AANAT: variants seen among roughly 807,000 people sequenced by gnomAD.
AANAT encodes the protein serotonin N-acetyltransferase.
Under a neutral mutation model 15.6 loss-of-function variants are expected in AANAT, and 11 were observed. The ratio of observed to expected loss-of-function variants is 0.71; its 90% confidence interval spans 0.44 to 1.17. The LOEUF is 1.17. Ranked by LOEUF, AANAT falls within the 50% of genes most tolerant of loss-of-function variation. AANAT has a pLI of 0.00. For missense variants in AANAT, 286 were observed against 296.3 expected, an observed-to-expected ratio of 0.97 and a Z score of 0.26; for synonymous variants, 139 against 131.5, an observed-to-expected ratio of 1.06 and a Z score of -0.39.
chr17:76,454,375 C>T (rs1352690693), intron 1 of AANAT, among the ~76,000 whole-genome samples: 4 of 151,020 alleles, frequency 2.6e-5, no homozygotes, highest in Non-Finnish European at 5.9e-5. Context: ...GTCCCAGCTA[C>T]TCAGGAGGCT....
At position 76,468,985 on chromosome 17, in the gene AANAT, T is replaced by C; in HGVS notation, c.163+76T>C. 4 of 1,531,600 alleles carry C rather than the reference T, an allele frequency of 2.6e-6. No homozygotes were observed. In the East Asian group the frequency reaches 6.8e-5, roughly 26 times the overall value. 94.9% of individuals were successfully genotyped at this position (1,531,600 alleles called of 1,614,324 possible). Reference sequence around the variant, plus strand: ...TCCTGTGGGGAGGAGACCCTTAGTCTCCTGTCCTTGGAGGCTGGGTCCCAG... The same window carrying C: ...TCCTGTGGGGAGGAGACCCTTAGTCCCCTGTCCTTGGAGGCTGGGTCCCAG... On this transcript the variant is annotated intron_variant, in intron 2 of 3. Transcript: ENST00000392492.
At chr17:76,459,914 C>T (rs78207495) in intron 2 of AANAT, among the ~76,000 whole-genome samples, 6,654 of 152,272 alleles carry the variant, frequency 0.044, 205 homozygotes, top group East Asian at 0.08. Flanking sequence ...GGCCCCAGGC[C>T]GTCTAATCTG....
intron 2 of AANAT, among the ~76,000 whole-genome samples, chr17:76,461,539 A>G (rs1181819419): frequency 1.4e-5 from 2 of 138,448 alleles, no homozygotes; most frequent in African/African-American, 2.7e-5. Flanking sequence ...GAACCTGGGA[A>G]GTGGAGGTTG....
chr17:76,457,908 C>T (rs55850050), intron 1 of AANAT, among the ~76,000 whole-genome samples: 21,665 of 152,142 alleles, frequency 0.14, 1,985 homozygotes, highest in East Asian at 0.4. Context: ...TGGTGGCGGG[C>T]GCCTGAAATC....
intron 1 of AANAT, among the ~76,000 whole-genome samples, chr17:76,458,228 A>G (rs941645209): frequency 3.3e-5 from 5 of 151,982 alleles, no homozygotes; most frequent in African/African-American, 1.2e-4. Flanking sequence ...TGCTTTAGAG[A>G]ATGAGACTCA....
exon 1 of AANAT, chr17:76,453,431 A>C (rs967930776): frequency 8.0e-6 from 2 of 251,072 alleles, no homozygotes; most frequent in African/African-American, 2.3e-5. Flanking sequence ...GGGAGGAGGA[A>C]GTGGAGTGGC....
At chr17:76,455,646 T>G (rs1184489187) in intron 1 of AANAT, among the ~76,000 whole-genome samples, 1 of 152,108 alleles carries the variant, frequency 6.6e-6, no homozygotes, top group Non-Finnish European at 1.5e-5. Context: ...ATTACAGTAT[T>G]TAGGTTCTTC....
chr17:76,470,032 C>T lies in AANAT; in HGVS notation c.*62C>T. The T allele has an allele frequency of 7.1e-7, 1 of 1,409,396 alleles. No individual in the cohort carries two copies. The highest frequency in any genetic ancestry group is 3.0e-5 in the Admixed American group (1 of 33,730). 87.3% of individuals were successfully genotyped at this position (1,409,396 alleles called of 1,614,324 possible). On this transcript the variant is annotated 3_prime_UTR_variant, in exon 4 of 4. Transcript: ENST00000392492. ...TCTCTGCCCTGGGCTCCTCTTAGCT[C>T]AGCTGAGCATGGAGACAGCAGTTTC...
chr17:76,464,341 T>TAA (rs553446724), upstream of AANAT, among the ~76,000 whole-genome samples: 63 of 133,534 alleles, frequency 4.7e-4, no homozygotes, highest in East Asian at 6.5e-4. Context: ...GACTCTGTCT[T>TAA]AAAAAAAAAA....
chr17:76,465,619 G>C (rs1201668567), upstream of AANAT, among the ~76,000 whole-genome samples: 1 of 151,956 alleles, frequency 6.6e-6, no homozygotes, highest in African/African-American at 2.4e-5. Context: ...TTACAGGTGT[G>C]AGCCACTATG....
chr17:76,455,416 A>T (rs1341533064), intron 1 of AANAT, among the ~76,000 whole-genome samples: 1 of 152,216 alleles, frequency 6.6e-6, no homozygotes, highest in Non-Finnish European at 1.5e-5. Context: ...ACACCACTGC[A>T]CTCCAGCTTG....
intron 1 of AANAT, among the ~76,000 whole-genome samples, chr17:76,455,188 G>C (rs28615986): frequency 0.064 from 9,703 of 152,028 alleles, 382 homozygotes; most frequent in South Asian, 0.13. Context: ...CACTTTGACT[G>C]CGCCTGAAAT....
intron 1 of AANAT, among the ~76,000 whole-genome samples, chr17:76,457,478 A>T (rs1478554710): frequency 6.6e-6 from 1 of 152,138 alleles, no homozygotes; most frequent in Non-Finnish European, 1.5e-5. Flanking sequence ...CTCCTGGAAG[A>T]CGTGTTGTGT....
At chr17:76,466,062 C>T (rs1329663497), upstream of AANAT, 4 of 939,394 alleles carry the variant, frequency 4.3e-6, no homozygotes, top group Non-Finnish European at 4.9e-6. Flanking sequence ...AGGGTGTTGT[C>T]CGGAAAGAAC....
chr17:76,469,207 C>A lies in AANAT; in HGVS notation c.198C>A (p.Tyr66Ter), dbSNP rs2073481719. The A allele has an allele frequency of 6.2e-7, 1 of 1,614,178 alleles. No homozygotes were observed. The highest frequency in any genetic ancestry group is 8.5e-7 in the Non-Finnish European group (1 of 1,180,032). The change falls in exon 3 of 4, where the codon TAC becomes TAA. Residue 66 changes from tyrosine to a stop codon, truncating the protein, a stop_gained. Transcript: ENST00000392492. LOFTEE classifies it high-confidence loss of function. The surrounding 1 kb of genome is among the most constrained non-coding windows in gnomAD (Gnocchi z 5.2). ...FISVLGVCPL[Y>*]LDEIRHFLTL... is the part of the protein sequence containing the mutation. ...CCGTCTTGGGCGTCTGCCCCCTGTA[C>A]CTGGATGAGATCCGGCACTTCCTGA...
intron 1 of AANAT, among the ~76,000 whole-genome samples, chr17:76,455,081 C>T (rs528911521): frequency 4.4e-4 from 67 of 152,154 alleles, no homozygotes; most frequent in Middle Eastern, 3.4e-3. Flanking sequence ...GAGCCTAGAT[C>T]GCGCCGCTGC....
chr17:76,465,633 A>T (rs138415131), upstream of AANAT, among the ~76,000 whole-genome samples: 692 of 151,326 alleles, frequency 4.6e-3, 4 homozygotes, highest in Non-Finnish European at 7.3e-3. Flanking sequence ...CACTATGCCC[A>T]GCCCCAGGGA....
upstream of AANAT, among the ~76,000 whole-genome samples, chr17:76,463,309 C>CTTTTTTT (rs60885549): frequency 4.1e-3 from 454 of 111,930 alleles, 38 homozygotes; most frequent in Admixed American, 5.7e-3. Context: ...GGAAGGATTC[C>CTTTTTTT]TTTTTTTTTT....
intron 2 of AANAT, among the ~76,000 whole-genome samples, chr17:76,461,605 CAAAAAAAAAAAAA>C (rs10578887): frequency 3.8e-5 from 2 of 52,874 alleles, no homozygotes; most frequent in East Asian, 6.8e-4. Flanking sequence ...GAGCCTCCAC[CAAAAAAAAAAAAA>C]AAAAAAAAAA....
Sources: allele counts gnomAD v4.1 joint callset (sites outside exome capture counted in the v4.1 genomes callset), GRCh38; gene constraint gnomAD v4.1.1; non-coding constraint Gnocchi (gnomAD v3.1); transcripts MANE v1.5; gene names NCBI Gene and HGNC (gene_info 2026-07-23, HGNC 2026-07-21).